PTPRK: variants seen among roughly 807,000 people sequenced by gnomAD.
PTPRK encodes the protein protein tyrosine phosphatase receptor type K.
In PTPRK, 75 loss-of-function variants were observed where a neutral mutation model predicts 178.0. That is an observed-to-expected ratio of 0.42 (90% CI 0.35 to 0.51). PTPRK has a LOEUF of 0.51. PTPRK is among the 20% of genes least tolerant of loss of function. The pLI is 0.02. For missense variants in PTPRK, 1,441 were observed against 1,797.8 expected, an observed-to-expected ratio of 0.80 and a Z score of 3.59; for synonymous variants, 637 against 620.6, an observed-to-expected ratio of 1.03 and a Z score of -0.39.
At chr6:128,165,294 T>C (rs1310096506) in intron 7 of PTPRK, among the ~76,000 whole-genome samples, 1 of 151,378 alleles carries the variant, frequency 6.6e-6, no homozygotes, top group Non-Finnish European at 1.5e-5. Context: ...ATATAAAGTA[T>C]ATTGTGTACA....
intron 10 of PTPRK, 33 bp downstream of exon 10, chr6:128,082,404 T>C (rs1260749112): frequency 1.3e-6 from 2 of 1,547,150 alleles, no homozygotes; most frequent in African/African-American, 2.7e-5. Flanking sequence ...AATGGCATAA[T>C]CAATCCTATT....
chr6:128,513,493 A>G lies in PTPRK; in HGVS notation c.100+6766T>C, dbSNP rs144187612. ...GCAAGACTCCATCTCCAAAAAAAAA[A>G]AAAGAAAGAAAGAAAGAAAGAAATA... On this transcript the variant is annotated intron_variant, in intron 1 of 29. Transcript: ENST00000368226. 1.0e-3 allele frequency among the ~76,000 whole-genome samples: 151 copies of G among 150,346 alleles called. No individual in the cohort carries two copies. In the East Asian group the frequency reaches 0.018, roughly 18 times the overall value.
At position 128,420,820 on chromosome 6, in the gene PTPRK, T is replaced by C. The variant is rs538768570; in HGVS notation, c.101-23132A>G. ...AGTGTATCTGGAGAACAGTGTAACA[T>C]GTAGCTTAGATTTGAACCAAAAAAC... On this transcript the variant is annotated intron_variant, in intron 1 of 29. Transcript: ENST00000368226. 2.0e-3 allele frequency among the ~76,000 whole-genome samples: 312 copies of C among 152,342 alleles called. 1 individual carries two copies. The highest frequency in any genetic ancestry group is 3.4e-3 in the Middle Eastern group (1 of 294).
chr6:128,273,680 T>C, intron 3 of PTPRK, among the ~76,000 whole-genome samples: 1 of 152,160 alleles, frequency 6.6e-6, no homozygotes, highest in Admixed American at 6.5e-5. Flanking sequence ...GTCCTTTCAT[T>C]TGAGATTCAG....
intron 13 of PTPRK, among the ~76,000 whole-genome samples, chr6:128,051,405 GCTAT>G (rs1417747841): frequency 2.0e-5 from 3 of 151,994 alleles, no homozygotes; most frequent in Non-Finnish European, 2.9e-5. Flanking sequence ...GCTTCTATTC[GCTAT>G]CTTTTTGCCC....
At chr6:128,344,403 G>A (rs1022902245) in intron 2 of PTPRK, among the ~76,000 whole-genome samples, 2 of 152,146 alleles carry the variant, frequency 1.3e-5, no homozygotes, top group Admixed American at 6.5e-5. Context: ...GGAGATCTGT[G>A]TTTATCAAAA....
At chr6:128,144,640 C>T (rs1019103562) in intron 7 of PTPRK, among the ~76,000 whole-genome samples, 6 of 152,154 alleles carry the variant, frequency 3.9e-5, no homozygotes, top group Non-Finnish European at 8.8e-5. Flanking sequence ...TTAAAATTCA[C>T]ATGGCATTCT....
At chr6:128,409,203 C>T in intron 1 of PTPRK, 1 of 363,174 alleles carries the variant, frequency 2.8e-6, no homozygotes, top group South Asian at 2.2e-5. Flanking sequence ...TTGATTACAC[C>T]AATAGCATTT....
chr6:128,276,292 C>T (rs1820717905), intron 3 of PTPRK, among the ~76,000 whole-genome samples: 1 of 152,058 alleles, frequency 6.6e-6, no homozygotes, highest in Non-Finnish European at 1.5e-5. Context: ...GAAATATTGT[C>T]TTTGACCACA....
intron 3 of PTPRK, among the ~76,000 whole-genome samples, chr6:128,264,456 G>A (rs1381970385): frequency 6.6e-6 from 1 of 151,964 alleles, no homozygotes; most frequent in African/African-American, 2.4e-5. Context: ...ACTTTGGATA[G>A]GTCTTTATAG....
chr6:128,496,933 A>C lies in PTPRK; in HGVS notation c.100+23326T>G, dbSNP rs1854760177. On this transcript the variant is annotated intron_variant, in intron 1 of 29. Transcript: ENST00000368226. ...TTGTGCTTGGCATTACAATAAACCA[A>C]AGAAGGCCAAGTTGTTCTGGAATCA... Among the ~76,000 whole-genome samples, 3 of 152,214 alleles carry C rather than the reference A, an allele frequency of 2.0e-5. No homozygotes were observed. In the South Asian group the frequency reaches 6.2e-4, roughly 31 times the overall value.
chr6:128,073,055 G>T (rs939020838), intron 11 of PTPRK, among the ~76,000 whole-genome samples: 2 of 151,970 alleles, frequency 1.3e-5, no homozygotes, highest in East Asian at 3.9e-4. Flanking sequence ...CACCAACATG[G>T]TACATTACAA....
intron 1 of PTPRK, among the ~76,000 whole-genome samples, chr6:128,398,815 C>G (rs1436006695): frequency 7.2e-5 from 11 of 152,094 alleles, no homozygotes; most frequent in Admixed American, 6.6e-4. Context: ...ATAACTTGGT[C>G]TTTTTAAACG....
At chr6:128,221,900 T>C (rs919994808) in intron 5 of PTPRK, among the ~76,000 whole-genome samples, 3 of 152,054 alleles carry the variant, frequency 2.0e-5, no homozygotes, top group Non-Finnish European at 4.4e-5. Context: ...AAATTATACA[T>C]GCAAACCTCA....
At chr6:128,211,079 T>C (rs539423705) in intron 6 of PTPRK, among the ~76,000 whole-genome samples, 1 of 152,238 alleles carries the variant, frequency 6.6e-6, no homozygotes, top group African/African-American at 2.4e-5. Context: ...AGTCACTGTA[T>C]TTATATACCT....
intron 5 of PTPRK, among the ~76,000 whole-genome samples, chr6:128,222,252 A>G (rs1326541068): frequency 6.6e-6 from 1 of 151,952 alleles, no homozygotes; most frequent in Non-Finnish European, 1.5e-5. Flanking sequence ...CCATCTTTTC[A>G]CCTTTATTGG....
chr6:128,424,938 C>A (rs1313233755), intron 1 of PTPRK, among the ~76,000 whole-genome samples: 2 of 151,682 alleles, frequency 1.3e-5, no homozygotes, highest in African/African-American at 4.8e-5. Flanking sequence ...CTTTCCTTTC[C>A]TTTTTTTCTT....
At chr6:128,436,338 T>C (rs118138448) in intron 1 of PTPRK, among the ~76,000 whole-genome samples, 280 of 152,320 alleles carry the variant, frequency 1.8e-3, no homozygotes, top group Non-Finnish European at 2.3e-3. Context: ...ATATTTCACC[T>C]AATGGAGCTT....
chr6:128,247,406 G>A (rs957651283), intron 3 of PTPRK, among the ~76,000 whole-genome samples: 10 of 151,948 alleles, frequency 6.6e-5, no homozygotes, highest in East Asian at 1.9e-4. Context: ...CCTAACCTCT[G>A]CCTCCCAGGT....
Sources: gnomAD v4.1 joint callset for allele counts (sites outside exome capture counted in the v4.1 genomes callset) on GRCh38, gnomAD v4.1.1 for gene constraint, MANE v1.5 for transcripts, NCBI Gene and HGNC (gene_info 2026-07-23, HGNC 2026-07-21) for gene names.